UGT1A8: variants seen among roughly 807,000 people sequenced by gnomAD.
UGT1A8 encodes UDP glucuronosyltransferase family 1 member A8.
In UGT1A8, 39 loss-of-function variants were observed where a neutral mutation model predicts 45.3. That is an observed-to-expected ratio of 0.86 (90% confidence interval 0.67 to 1.12). UGT1A8 has a LOEUF of 1.12. Ranked by LOEUF, UGT1A8 falls within the 50% of genes most tolerant of loss-of-function variation. UGT1A8 has a pLI of 0.00. For missense variants in UGT1A8, 719 were observed against 664.9 expected (o/e 1.08, Z -0.90); for synonymous variants, 275 against 249.2 (o/e 1.10, Z -0.97).
chr2:233,639,685 TCTC>T lies in UGT1A8; in HGVS notation c.855+21126_855+21128del, dbSNP rs201132131. Reference sequence around the variant, plus strand: ...TTCTTGAAGATCTCCTGTAACAAAATCTCCTTGAGTCTATCCAGGAGAATTACA... The same window carrying T: ...TTCTTGAAGATCTCCTGTAACAAAATCTTGAGTCTATCCAGGAGAATTACA... On this transcript the variant is annotated intron_variant, in intron 1 of 4. Transcript: ENST00000373450. Among the ~76,000 whole-genome samples, 1,300 of 152,270 alleles carry T rather than the reference TCTC, an allele frequency of 8.5e-3. 26 individuals carry two copies. Among genetic ancestry groups the T allele is most frequent in the African/African-American group, 0.03 (1,232 of 41,554 alleles).
chr2:233,671,838 C>A, intron 1 of UGT1A8: 3 of 1,463,380 alleles, frequency 2.1e-6, no homozygotes, highest in South Asian at 3.2e-5. Flanking sequence ...AAAAACACGC[C>A]CTCTATTGGG....
intron 1 of UGT1A8, chr2:233,693,919 C>T: frequency 6.2e-7 from 1 of 1,611,200 alleles, no homozygotes; most frequent in Non-Finnish European, 8.5e-7. Flanking sequence ...CTCTGTCCTC[C>T]CTCACTCATT....
At chr2:233,719,091 C>G in intron 1 of UGT1A8, 7 of 1,614,254 alleles carry the variant, frequency 4.3e-6, no homozygotes, top group Middle Eastern at 1.6e-4. Flanking sequence ...GGAATTTGAT[C>G]GCGTTACGCT....
intron 1 of UGT1A8, among the ~76,000 whole-genome samples, chr2:233,669,082 A>G (rs28970005): frequency 0.02 from 3,025 of 152,316 alleles, 100 homozygotes; most frequent in African/African-American, 0.069. Context: ...ATGGATACCC[A>G]ACTGTTGAAG....
intron 1 of UGT1A8, among the ~76,000 whole-genome samples, chr2:233,639,050 C>T (rs909292177): frequency 1.3e-5 from 2 of 152,248 alleles, no homozygotes; most frequent in East Asian, 1.9e-4. Flanking sequence ...CCTGAACCCA[C>T]GCTGAGTTTA....
chr2:233,627,168 C>T (rs2073098893), intron 1 of UGT1A8, among the ~76,000 whole-genome samples: 1 of 151,974 alleles, frequency 6.6e-6, no homozygotes, highest in Non-Finnish European at 1.5e-5. Flanking sequence ...TTTGTGTCAT[C>T]TTGTTTTTGT....
chr2:233,634,498 G>A (rs191290620), intron 1 of UGT1A8, among the ~76,000 whole-genome samples: 77 of 152,170 alleles, frequency 5.1e-4, no homozygotes, highest in East Asian at 1.5e-3. Flanking sequence ...TGTATTGGGC[G>A]CATATATATT....
chr2:233,661,623 T>TTTTC (rs55749169), intron 1 of UGT1A8, among the ~76,000 whole-genome samples: 17,258 of 123,590 alleles, frequency 0.14, 1,323 homozygotes, highest in East Asian at 0.18. Context: ...ACTTACTGAA[T>TTTTC]TTTCTTTCTT....
intron 1 of UGT1A8, among the ~76,000 whole-genome samples, chr2:233,763,564 T>C (rs1698345105): frequency 6.6e-6 from 1 of 152,236 alleles, no homozygotes; most frequent in Non-Finnish European, 1.5e-5. Context: ...AAGTTACTGT[T>C]CTTATTTTCT....
At chr2:233,748,150 A>T (rs1362576918) in intron 1 of UGT1A8, 1 of 1,604,682 alleles carries the variant, frequency 6.2e-7, no homozygotes, top group East Asian at 2.2e-5. Context: ...TTTACTTACA[A>T]TTGCTTCCAT....
chr2:233,638,377 C>T lies in UGT1A8; in HGVS notation c.855+19815C>T, dbSNP rs1313755421. 1.8e-4 allele frequency among the ~76,000 whole-genome samples: 28 copies of T among 152,002 alleles called. 1 individual carries two copies. Among genetic ancestry groups the T allele is most frequent in the Non-Finnish European group, 7.4e-5 (5 of 67,974 alleles). ...GGTTTTTGCATATGTATCTTGTATC[C>T]AGCCACATCACTAACTTTTCTTATT... is the stretch of plus-strand genomic sequence containing the variant. On this transcript the variant is annotated intron_variant, in intron 1 of 4. Transcript: ENST00000373450.
intron 2 of UGT1A8, 55 bp downstream of exon 2, chr2:233,767,220 C>G (rs1167186563): frequency 6.2e-7 from 1 of 1,611,536 alleles, no homozygotes; most frequent in African/African-American, 1.3e-5. Flanking sequence ...GCGCTAATCC[C>G]AGACTTCCAG....
chr2:233,743,573 A>G (rs765598613), intron 1 of UGT1A8: 1 of 1,367,260 alleles, frequency 7.3e-7, no homozygotes, highest in South Asian at 1.1e-5. Context: ...CGGGTTTCCC[A>G]AGAGGTCAAA....
intron 1 of UGT1A8, among the ~76,000 whole-genome samples, chr2:233,763,630 G>T (rs1698361398): frequency 6.6e-6 from 1 of 152,108 alleles, no homozygotes; most frequent in South Asian, 2.1e-4. Flanking sequence ...CTCTTGTGTT[G>T]ATGGTCCTAT....
intron 1 of UGT1A8, among the ~76,000 whole-genome samples, chr2:233,702,926 A>C (rs1284253822): frequency 1.3e-5 from 2 of 152,120 alleles, no homozygotes; most frequent in Non-Finnish European, 2.9e-5. Flanking sequence ...TTTCTTGCGG[A>C]GCCTTGGTCT....
chr2:233,762,662 A>G (rs1559409315), intron 1 of UGT1A8, among the ~76,000 whole-genome samples: 1 of 152,070 alleles, frequency 6.6e-6, no homozygotes, highest in Non-Finnish European at 1.5e-5. Flanking sequence ...TTTGTAGTTT[A>G]AAAAACATTT....
rs1174960322 is a variant in UGT1A8 at position 233,769,336 on chromosome 2, A to G, written c.1295+897A>G. 6.6e-6 allele frequency among the ~76,000 whole-genome samples: 1 copy of G among 152,252 alleles called. No individual in the cohort carries two copies. The highest frequency in any genetic ancestry group is 1.9e-4 in the East Asian group (1 of 5,208). ...AGCTCACTGGTAATAGGCTTATTAG[A>G]ACCTTATGGGAAGAAGTGGTGGCCA... On this transcript the variant is annotated intron_variant, in intron 4 of 4. Transcript: ENST00000373450. The surrounding 1 kb of genome is among the most constrained non-coding windows in gnomAD (Gnocchi z 4.4).
chr2:233,697,239 A>G (rs2075381553), intron 1 of UGT1A8, among the ~76,000 whole-genome samples: 1 of 152,000 alleles, frequency 6.6e-6, no homozygotes, highest in Non-Finnish European at 1.5e-5. Context: ...ACTTTTTATT[A>G]CTGCTTCAAT....
At chr2:233,747,436 T>C (rs1449782015) in intron 1 of UGT1A8, 22 of 1,608,824 alleles carry the variant, frequency 1.4e-5, no homozygotes, top group African/African-American at 2.7e-5. Flanking sequence ...GAGAAATTTT[T>C]CACCCTGACA....
Sources: allele counts gnomAD v4.1 joint callset (sites outside exome capture counted in the v4.1 genomes callset), GRCh38; gene constraint gnomAD v4.1.1; non-coding constraint Gnocchi (gnomAD v3.1); transcripts MANE v1.5; gene names NCBI Gene and HGNC (gene_info 2026-07-23, HGNC 2026-07-21).